The following SGMS1 variants were observed in gnomAD, a reference collection of about 807,000 sequenced individuals.
SGMS1 encodes phosphatidylcholine:ceramide cholinephosphotransferase 1.
SGMS1 carries 13 observed loss-of-function variants against 46.2 expected under a neutral mutation model. The ratio of observed to expected loss-of-function variants is 0.28; its 90% confidence interval spans 0.18 to 0.45. The LOEUF is 0.45. Ranked by LOEUF, SGMS1 falls within the 20% of genes least tolerant of loss-of-function variation. The probability of loss-of-function intolerance (pLI) is 1.00; values close to 1 mark genes in which losing one functional copy is unlikely to be tolerated. For synonymous variants in SGMS1, 203 were observed against 187.8 expected (o/e 1.08, Z -0.66); for missense variants, 324 against 519.9 (o/e 0.62, Z 3.66).
At chr10:50,365,824 G>A (rs938689588) in intron 6 of SGMS1, among the ~76,000 whole-genome samples, 7 of 152,108 alleles carry the variant, frequency 4.6e-5, no homozygotes, top group Non-Finnish European at 7.3e-5. Context: ...TCTTTATCCA[G>A]TCTATCATTG....
intron 6 of SGMS1, among the ~76,000 whole-genome samples, chr10:50,371,140 A>T (rs1428610846): frequency 6.6e-6 from 1 of 152,238 alleles, no homozygotes; most frequent in African/African-American, 2.4e-5. Flanking sequence ...AAATGTGAGT[A>T]ATGTGTTGCA....
At chr10:50,607,903 T>A (rs912176040) in intron 1 of SGMS1, among the ~76,000 whole-genome samples, 2 of 152,092 alleles carry the variant, frequency 1.3e-5, no homozygotes, top group African/African-American at 4.8e-5. Flanking sequence ...GCAAAAATAA[T>A]AATATAAAAA....
chr10:50,376,954 G>A (rs914384160), intron 6 of SGMS1, among the ~76,000 whole-genome samples: 1 of 152,160 alleles, frequency 6.6e-6, no homozygotes, highest in Non-Finnish European at 1.5e-5. Flanking sequence ...TATCCAGAGT[G>A]AGCACAACAT....
chr10:50,587,067 A>G (rs1838490934), intron 2 of SGMS1, among the ~76,000 whole-genome samples: 2 of 152,180 alleles, frequency 1.3e-5, no homozygotes, highest in Admixed American at 6.5e-5. Context: ...TATATATTAC[A>G]CACACACACA....
chr10:50,547,894 A>G (rs995150546), intron 2 of SGMS1, among the ~76,000 whole-genome samples: 1 of 152,250 alleles, frequency 6.6e-6, no homozygotes, highest in Non-Finnish European at 1.5e-5. Flanking sequence ...CAACATATGC[A>G]AATCAATAAA....
intron 2 of SGMS1, among the ~76,000 whole-genome samples, chr10:50,551,409 C>T (rs75283906): frequency 0.012 from 1,860 of 149,738 alleles, 42 homozygotes; most frequent in African/African-American, 0.044. Flanking sequence ...AAACAGTCAC[C>T]GTCTAGGGCT....
At chr10:50,492,175 A>G (rs1040031594) in intron 3 of SGMS1, among the ~76,000 whole-genome samples, 5 of 152,216 alleles carry the variant, frequency 3.3e-5, no homozygotes, top group Non-Finnish European at 7.3e-5. Context: ...CCTCAGAATA[A>G]TAAGAGCCAT....
intron 2 of SGMS1, among the ~76,000 whole-genome samples, chr10:50,530,050 T>G (rs1424394993): frequency 1.3e-5 from 2 of 152,200 alleles, no homozygotes; most frequent in African/African-American, 4.8e-5. Context: ...ATAGCCACCG[T>G]CTTTCTCAAT....
At chr10:50,475,635 T>A (rs1275543005) in intron 3 of SGMS1, among the ~76,000 whole-genome samples, 2 of 152,140 alleles carry the variant, frequency 1.3e-5, no homozygotes, top group African/African-American at 4.8e-5. Context: ...ATTTTGGACG[T>A]GGGGCCTGGT....
At chr10:50,329,209 AC>A (rs1179267298) in intron 7 of SGMS1, among the ~76,000 whole-genome samples, 1 of 152,240 alleles carries the variant, frequency 6.6e-6, no homozygotes, top group East Asian at 1.9e-4. Flanking sequence ...AACTTGACTT[AC>A]ATGTAAGTAC....
intron 6 of SGMS1, among the ~76,000 whole-genome samples, chr10:50,396,262 C>G (rs1370903141): frequency 3.3e-5 from 5 of 152,182 alleles, no homozygotes; most frequent in African/African-American, 4.8e-5. Flanking sequence ...CTCTTCTCCT[C>G]TCTTTACTTC....
Position 50,571,364 on chromosome 10 carries a change from T to C in SGMS1, c.-589+18789A>G, listed in dbSNP as rs74368676. Among the ~76,000 whole-genome samples the C allele has an allele frequency of 2.6e-4, 40 of 152,290 alleles. 3 individuals carry two copies. The East Asian group carries it at 7.3e-3, about 28-fold the overall frequency. The stretch of plus-strand genomic sequence containing the variant: ...TAGTTAAGACTTTAAAGGAATGCAA[T>C]GGTCATTAAGAAAAGACAAAGGCTG... On this transcript the variant is annotated intron_variant, in intron 2 of 10. Transcript: ENST00000361781.
chr10:50,616,421 C>T (rs571125424), intron 1 of SGMS1, among the ~76,000 whole-genome samples: 4 of 152,318 alleles, frequency 2.6e-5, no homozygotes, highest in African/African-American at 9.6e-5. Flanking sequence ...CAGGTGTGAA[C>T]TACCATACCC....
At chr10:50,350,945 C>G (rs1848001000) in intron 6 of SGMS1, among the ~76,000 whole-genome samples, 1 of 152,264 alleles carries the variant, frequency 6.6e-6, no homozygotes, top group East Asian at 1.9e-4. Flanking sequence ...CACCATCCTC[C>G]AGACCCCAGA....
chr10:50,595,316 C>T (rs1838580097), intron 1 of SGMS1, among the ~76,000 whole-genome samples: 1 of 152,102 alleles, frequency 6.6e-6, no homozygotes, highest in African/African-American at 2.4e-5. Context: ...GCTGGGACTA[C>T]AGGCGCACAC....
chr10:50,421,653 T>C (rs1044040555), intron 6 of SGMS1, among the ~76,000 whole-genome samples: 1 of 152,194 alleles, frequency 6.6e-6, no homozygotes, highest in African/African-American at 2.4e-5. Context: ...GAAACATATT[T>C]GGATAACACA....
At chr10:50,377,188 C>T (rs1848533607) in intron 6 of SGMS1, among the ~76,000 whole-genome samples, 1 of 152,182 alleles carries the variant, frequency 6.6e-6, no homozygotes, top group African/African-American at 2.4e-5. Context: ...TGGTTGGTTT[C>T]CGGTGAGGGC....
At chr10:50,537,885 C>G (rs1001962407) in intron 2 of SGMS1, among the ~76,000 whole-genome samples, 2 of 152,132 alleles carry the variant, frequency 1.3e-5, no homozygotes, top group Non-Finnish European at 2.9e-5. Flanking sequence ...ATGGCTTCAA[C>G]CATTTGCTTA....
intron 6 of SGMS1, among the ~76,000 whole-genome samples, chr10:50,396,083 T>A (rs1180893835): frequency 6.6e-6 from 1 of 152,148 alleles, no homozygotes; most frequent in East Asian, 1.9e-4. Context: ...GTGCATTTCC[T>A]CCCTTTCCAT....
Sources: gnomAD v4.1 joint callset for allele counts (sites outside exome capture counted in the v4.1 genomes callset) on GRCh38, gnomAD v4.1.1 for gene constraint, MANE v1.5 for transcripts, NCBI Gene and HGNC (gene_info 2026-07-23, HGNC 2026-07-21) for gene names.